The following ATG7 variants were observed in gnomAD, a reference collection of about 807,000 sequenced individuals.
ATG7 encodes the protein ubiquitin-like modifier-activating enzyme ATG7.
A neutral mutation model predicts 82.4 loss-of-function variants in ATG7; 70 were observed. That is an observed-to-expected ratio of 0.85 (90% CI 0.70 to 1.04). The LOEUF is 1.04. ATG7 is among the 50% of genes least tolerant of loss of function. The pLI, the probability that ATG7 is intolerant of heterozygous loss-of-function variation, is 0.00. For synonymous variants in ATG7, 287 were observed against 313.0 expected, an observed-to-expected ratio of 0.92 and a Z score of 0.88; for missense variants, 792 against 864.3, an observed-to-expected ratio of 0.92 and a Z score of 1.05.
the ATG7 span, among the ~76,000 whole-genome samples, chr3:11,573,145 G>A: frequency 6.6e-6 from 1 of 151,016 alleles, no homozygotes; most frequent in Admixed American, 6.6e-5. Context: ...CAACCTGGGT[G>A]ACAGGGCAAG....
At chr3:11,401,695 A>G (rs1319578294) in intron 19 of ATG7, among the ~76,000 whole-genome samples, 1 of 152,168 alleles carries the variant, frequency 6.6e-6, no homozygotes, top group Non-Finnish European at 1.5e-5. Context: ...GGCCACAGTG[A>G]CTTCACACTG....
chr3:11,298,710 G>C lies in ATG7; in HGVS notation c.15G>C (p.Thr5=), dbSNP rs1332881634. 1.2e-6 allele frequency: 2 copies of C among 1,613,840 alleles called. No individual in the cohort carries two copies. Among genetic ancestry groups the C allele is most frequent in the Non-Finnish European group, 1.7e-6 (2 of 1,179,886 alleles). MAAA[T]GDPGLSKLQF... Reference sequence around the variant, plus strand: ...GGCAAGAAATAATGGCGGCAGCTACGGGGGATCCTGGACTCTCTAAACTGC... The same window carrying C: ...GGCAAGAAATAATGGCGGCAGCTACCGGGGATCCTGGACTCTCTAAACTGC... Residue 5 remains threonine, a synonymous_variant, in exon 4 of 21, where the codon ACG becomes ACC. Coordinates refer to ENST00000693202, the MANE Select transcript of ATG7 (RefSeq NM_001349232.2).
chr3:11,479,175 A>T (rs941237850), intron 20 of ATG7, among the ~76,000 whole-genome samples: 7 of 152,202 alleles, frequency 4.6e-5, no homozygotes, highest in African/African-American at 1.7e-4. Context: ...CTTTTCACAT[A>T]TATGAAATAA....
intron 20 of ATG7, among the ~76,000 whole-genome samples, chr3:11,519,227 G>C (rs1392035888): frequency 1.3e-5 from 2 of 152,062 alleles, no homozygotes; most frequent in African/African-American, 2.4e-5. Flanking sequence ...ATACCAATGA[G>C]TTTCCTGAAA....
At chr3:11,281,918 A>G (rs1416779497) in intron 2 of ATG7, among the ~76,000 whole-genome samples, 1 of 152,196 alleles carries the variant, frequency 6.6e-6, no homozygotes, top group Non-Finnish European at 1.5e-5. Context: ...AAAACCACAG[A>G]GATGTAATTA....
Position 11,399,825 on chromosome 3 carries a change from C to T in ATG7, c.1956+19773C>T, listed in dbSNP as rs146579214. ...CTGACCTCAGGTAATCTGCCCACCT[C>T]GGCCTCCCAAAGTGCTGGGATTACA... On this transcript the variant is annotated intron_variant, in intron 19 of 20. Transcript: ENST00000693202. Among the ~76,000 whole-genome samples the T allele has an allele frequency of 3.7e-3, 565 of 152,278 alleles. 4 individuals carry two copies. Among genetic ancestry groups the T allele is most frequent in the African/African-American group, 0.013 (525 of 41,564 alleles).
chr3:11,383,209 T>A (rs1174049887), intron 19 of ATG7, among the ~76,000 whole-genome samples: 1 of 152,194 alleles, frequency 6.6e-6, no homozygotes, highest in African/African-American at 2.4e-5. Context: ...AAACATTGCA[T>A]TTAGTTGTCG....
chr3:11,277,891 A>ACCCCCCCCCCCCCCCCCC (rs71626995), intron 1 of ATG7, among the ~76,000 whole-genome samples: 3 of 60,768 alleles, frequency 4.9e-5, no homozygotes, highest in African/African-American at 6.8e-5. Flanking sequence ...CCCTTTATAG[A>ACCCCCCCCCCCCCCCCCC]CCCCCCCCCC....
rs541172845 is a variant in ATG7 at position 11,456,159 on chromosome 3, C to T, written c.2079+29233C>T. Among the ~76,000 whole-genome samples, 231 of 152,322 alleles carry T rather than the reference C, an allele frequency of 1.5e-3. 1 individual carries two copies. Among genetic ancestry groups the T allele is most frequent in the Admixed American group, 2.0e-3 (30 of 15,296 alleles). ...TTCCCCTCACACCACCCTCTGGCCCCCTAACCCTGAGCGATGACTAATCTT... is the reference window on the plus strand; with the variant it reads ...TTCCCCTCACACCACCCTCTGGCCCTCTAACCCTGAGCGATGACTAATCTT... On this transcript the variant is annotated intron_variant, in intron 20 of 20. Transcript: ENST00000693202.
chr3:11,466,516 C>A (rs931046049), intron 20 of ATG7, among the ~76,000 whole-genome samples: 2 of 152,308 alleles, frequency 1.3e-5, no homozygotes, highest in Admixed American at 6.5e-5. Context: ...TCCTTGGGGA[C>A]TCTTCTGGAA....
downstream of ATG7, chr3:11,558,241 C>T: frequency 2.3e-6 from 1 of 439,384 alleles, no homozygotes; most frequent in Non-Finnish European, 4.1e-6. Flanking sequence ...TGAGAAAGCG[C>T]TGTGGAGTCC....
chr3:11,333,103 C>A lies in ATG7; in HGVS notation c.889+10C>A. On this transcript the variant is annotated intron_variant, in intron 11 of 20. Coordinates refer to ENST00000693202, the MANE Select transcript of ATG7 (RefSeq NM_001349232.2). ...ATGGCATTTAGCCCAGGTAATTTGCCGGTCTTTGAAAATGCATATAATTAT... is the reference window on the plus strand; with the variant it reads ...ATGGCATTTAGCCCAGGTAATTTGCAGGTCTTTGAAAATGCATATAATTAT... The A allele has an allele frequency of 6.5e-7, 1 of 1,541,738 alleles. No homozygotes were observed. Among genetic ancestry groups the A allele is most frequent in the Non-Finnish European group, 8.7e-7 (1 of 1,148,570 alleles).
the ATG7 span, among the ~76,000 whole-genome samples, chr3:11,574,235 C>T: frequency 2.6e-5 from 4 of 152,336 alleles, no homozygotes; most frequent in South Asian, 2.1e-4. Context: ...TTGCTTTACA[C>T]GGCTTTAGAT....
chr3:11,546,489 A>G (rs2071302841), intron 20 of ATG7, among the ~76,000 whole-genome samples: 1 of 152,198 alleles, frequency 6.6e-6, no homozygotes, highest in South Asian at 2.1e-4. Context: ...AAATGTTTAC[A>G]TTTAACAAAT....
intron 14 of ATG7, among the ~76,000 whole-genome samples, chr3:11,356,135 G>T (rs2075915945): frequency 6.6e-6 from 1 of 152,156 alleles, no homozygotes; most frequent in African/African-American, 2.4e-5. Flanking sequence ...CAGATCAGTT[G>T]TCATCTGGGG....
chr3:11,544,352 G>C (rs1015777104), intron 20 of ATG7, among the ~76,000 whole-genome samples: 9 of 152,316 alleles, frequency 5.9e-5, no homozygotes, highest in African/African-American at 1.9e-4. Flanking sequence ...TGGTTAACCC[G>C]TGAGGCCCCC....
At chr3:11,389,178 A>G (rs904131083) in intron 19 of ATG7, among the ~76,000 whole-genome samples, 1 of 133,706 alleles carries the variant, frequency 7.5e-6, no homozygotes, top group Non-Finnish European at 1.6e-5. Context: ...GGTTGCAGTG[A>G]GTCGAGATGG....
the ATG7 span, among the ~76,000 whole-genome samples, chr3:11,575,832 C>G: frequency 6.6e-6 from 1 of 152,172 alleles, no homozygotes; most frequent in African/African-American, 2.4e-5. Flanking sequence ...TTCCCATATC[C>G]AATTCCAGCA....
At chr3:11,478,651 C>A (rs945693567) in intron 20 of ATG7, among the ~76,000 whole-genome samples, 1 of 152,090 alleles carries the variant, frequency 6.6e-6, no homozygotes, top group East Asian at 1.9e-4. Flanking sequence ...GTCAGCAAAA[C>A]AGCAGACTTA....
Sources: gnomAD v4.1 joint callset for allele counts (sites outside exome capture counted in the v4.1 genomes callset) on GRCh38, gnomAD v4.1.1 for gene constraint, MANE v1.5 for transcripts, NCBI Gene and HGNC (gene_info 2026-07-23, HGNC 2026-07-21) for gene names.